The following NMT1 variants were observed in gnomAD, a reference collection of about 807,000 sequenced individuals.
NMT1 encodes the protein glycylpeptide N-tetradecanoyltransferase 1.
Under a neutral mutation model 63.4 loss-of-function variants are expected in NMT1, and 12 were observed. The ratio of observed to expected loss-of-function variants is 0.19; its 90% CI spans 0.12 to 0.31. The LOEUF is 0.31. NMT1 is among the 10% of genes least tolerant of loss of function. The pLI, the probability that NMT1 is intolerant of heterozygous loss-of-function variation, is 1.00. For synonymous variants in NMT1, 228 were observed against 234.3 expected (o/e 0.97, Z 0.25); for missense variants, 432 against 634.6 (o/e 0.68, Z 3.43).
intron 8 of NMT1, 77 bp downstream of exon 8, chr17:45,099,590 C>T (rs931168917): frequency 9.6e-7 from 1 of 1,041,090 alleles, no homozygotes; most frequent in Non-Finnish European, 1.5e-6. Flanking sequence ...GAGAGAAGGG[C>T]TCTGGGTGGA....
chr17:45,070,319 C>T (rs891499243), intron 1 of NMT1, among the ~76,000 whole-genome samples: 3 of 151,740 alleles, frequency 2.0e-5, no homozygotes, highest in East Asian at 1.9e-4. Context: ...GGCGTAATCT[C>T]GGCTCACTGC....
intron 5 of NMT1, 130 bp downstream of exon 5, chr17:45,096,415 TC>T (rs1598016843): frequency 1.4e-6 from 1 of 726,038 alleles, no homozygotes; most frequent in East Asian, 2.5e-5. Flanking sequence ...ATTTTTGAGT[TC>T]CTGCATCTGA....
chr17:45,075,701 C>T (rs2053973144), intron 1 of NMT1, among the ~76,000 whole-genome samples: 1 of 150,922 alleles, frequency 6.6e-6, no homozygotes, highest in African/African-American at 2.4e-5. Flanking sequence ...ACCCAGGAGG[C>T]GGAGGTTGCA....
At chr17:45,082,519 T>G (rs1330871338) in intron 2 of NMT1, among the ~76,000 whole-genome samples, 1 of 152,212 alleles carries the variant, frequency 6.6e-6, no homozygotes, top group East Asian at 1.9e-4. Flanking sequence ...TGAGTTCTAC[T>G]CCATGAGAAC....
At chr17:45,070,246 T>C (rs1036266596) in intron 1 of NMT1, among the ~76,000 whole-genome samples, 3 of 148,004 alleles carry the variant, frequency 2.0e-5, no homozygotes, top group African/African-American at 7.3e-5. Flanking sequence ...CCTCCCAGGG[T>C]ACCTTTTTTT....
chr17:45,098,723 G>A, intron 7 of NMT1, 171 bp downstream of exon 7: 1 of 605,298 alleles, frequency 1.7e-6, no homozygotes. Flanking sequence ...GAGAGGGCGG[G>A]AGGGTTGTAG....
intron 2 of NMT1, 70 bp from the exon 3 acceptor site, chr17:45,086,438 G>T: frequency 6.7e-7 from 1 of 1,491,798 alleles, no homozygotes; most frequent in South Asian, 1.3e-5. Context: ...CTTAACTCTT[G>T]AACTCATAAT....
intron 1 of NMT1, among the ~76,000 whole-genome samples, chr17:45,066,346 C>T (rs551452847): frequency 3.3e-5 from 5 of 152,244 alleles, no homozygotes; most frequent in African/African-American, 4.8e-5. Flanking sequence ...TGAGCCACCA[C>T]GCCCGGCCAG....
In NMT1 at chr17:45,105,802, C is replaced by A; in HGVS notation, c.*163C>A. 1.6e-6 allele frequency: 1 copy of A among 641,404 alleles called. No individual in the cohort carries two copies. Among genetic ancestry groups the A allele is most frequent in the Non-Finnish European group, 2.6e-6 (1 of 378,476 alleles). The allele number at this position is 641,404 out of a possible 1,614,324, so 39.7% of individuals were successfully genotyped here. A position where few individuals can be genotyped will look rare whatever the true frequency, so the allele number is the denominator to read the frequency against. On this transcript the variant is annotated 3_prime_UTR_variant, in exon 12 of 12. Coordinates refer to ENST00000258960, the MANE Select transcript of NMT1 (RefSeq NM_021079.5). This position sits in a 1 kb window ranked among gnomAD's most constrained non-coding sequence, Gnocchi z 4.2. ...GCCAGCGAACTTGACAATTGTATTG[C>A]GATGGCGTGGGCTGCGTGACGTCAC...
chr17:45,088,861 G>C (rs979962782), intron 3 of NMT1, among the ~76,000 whole-genome samples: 23 of 152,036 alleles, frequency 1.5e-4, no homozygotes, highest in African/African-American at 5.6e-4. Flanking sequence ...AATGTAGAAA[G>C]TGCTTCAGTT....
intron 1 of NMT1, among the ~76,000 whole-genome samples, chr17:45,078,486 G>T (rs564923956): frequency 6.6e-6 from 1 of 150,472 alleles, no homozygotes; most frequent in African/African-American, 2.4e-5. Flanking sequence ...CTTTCTCCCT[G>T]TATATATATA....
At chr17:45,088,980 G>T (rs186721495) in intron 3 of NMT1, among the ~76,000 whole-genome samples, 1 of 152,332 alleles carries the variant, frequency 6.6e-6, no homozygotes, top group Admixed American at 6.5e-5. Flanking sequence ...TTTGCCTTCT[G>T]TGCAGTGTGT....
At position 45,104,889 on chromosome 17, in the gene NMT1, C is replaced by G; in HGVS notation, c.1363C>G (p.Leu455Val). 6.2e-7 allele frequency: 1 copy of G among 1,614,216 alleles called. No homozygotes were observed. The highest frequency in any genetic ancestry group is 8.5e-7 in the Non-Finnish European group (1 of 1,180,036). The change falls in exon 11 of 12, where the codon CTC becomes GTC. Residue 455 changes from leucine (L) to valine (V), a missense_variant. Physicochemically the swap from Leu to Val is conservative, Grantham distance 32. Transcript: ENST00000258960. This position sits in a 1 kb window ranked among gnomAD's most constrained non-coding sequence, Gnocchi z 4.2. ...KGFDVFNALD[L>V]MENKTFLEKL... Reference sequence around the variant, plus strand: ...GTTTGATGTGTTCAATGCACTGGATCTCATGGAGAACAAAACCTTCCTGGA... The same window carrying G: ...GTTTGATGTGTTCAATGCACTGGATGTCATGGAGAACAAAACCTTCCTGGA...
chr17:45,108,536 G>A lies in NMT1; in HGVS notation c.*2897G>A, dbSNP rs1598023572. 1.3e-5 allele frequency: 2 copies of A among 152,598 alleles called. No individual in the cohort carries two copies. Among genetic ancestry groups the A allele is most frequent in the Admixed American group, 1.3e-4 (2 of 15,276 alleles). The allele number at this position is 152,598 out of a possible 1,614,324, so 9.5% of individuals were successfully genotyped here. ...GGTCCTGAATTCTTTCCCCAAAGAC[G>A]ACCAGCATTTAACCAACCTAAGGGC... On this transcript the variant is annotated 3_prime_UTR_variant, in exon 12 of 12. Coordinates refer to ENST00000258960, the MANE Select transcript of NMT1 (RefSeq NM_021079.5).
intron 2 of NMT1, 83 bp from the exon 3 acceptor site, chr17:45,086,425 C>T (rs1445940334): frequency 7.1e-6 from 10 of 1,406,098 alleles, no homozygotes; most frequent in African/African-American, 4.4e-5. Flanking sequence ...GCACCCAGCT[C>T]CCCTTAACTC....
In NMT1 at chr17:45,105,522, C is replaced by A. The variant is rs1393820673; in HGVS notation, c.1471-97C>A. The A allele has an allele frequency of 3.6e-6, 5 of 1,393,264 alleles. No homozygotes were observed. The highest frequency in any genetic ancestry group is 1.8e-5 in the Admixed American group (1 of 57,052). The allele number at this position is 1,393,264 out of a possible 1,614,324, so 86.3% of individuals were successfully genotyped here. A position where few individuals can be genotyped will look rare whatever the true frequency, so the allele number is the denominator to read the frequency against. On this transcript the variant is annotated intron_variant, in intron 11 of 11. Transcript: ENST00000258960. The surrounding 1 kb of genome is among the most constrained non-coding windows in gnomAD (Gnocchi z 4.2). ...TGCTCCCACAGCACAGGCGGTGGAC[C>A]CGGGCCCAGCCACTCGGAACTTCAG...
intron 7 of NMT1, 115 bp downstream of exon 7, chr17:45,098,667 G>A: frequency 2.0e-6 from 2 of 982,910 alleles, no homozygotes. Flanking sequence ...TGGCGTATCT[G>A]GTAAGGCGGG....
chr17:45,064,666 T>TA (rs1194609762), intron 1 of NMT1, among the ~76,000 whole-genome samples: 3 of 152,044 alleles, frequency 2.0e-5, no homozygotes, highest in Non-Finnish European at 4.4e-5. Context: ...CTACTAAAAA[T>TA]ACAAAAATTA....
In NMT1 at chr17:45,104,282, T is replaced by C. The variant is rs2054189066; in HGVS notation, c.1332+406T>C. 8.4e-7 allele frequency: 1 copy of C among 1,186,876 alleles called. No homozygotes were observed. The highest frequency in any genetic ancestry group is 1.6e-5 in the South Asian group (1 of 61,464). 73.5% of individuals were successfully genotyped at this position (1,186,876 alleles called of 1,614,324 possible). On this transcript the variant is annotated intron_variant, in intron 10 of 11. Transcript: ENST00000258960. The surrounding 1 kb of genome is among the most constrained non-coding windows in gnomAD (Gnocchi z 4.2). Reference sequence around the variant, plus strand: ...GGATGGCGAGCCCGTCTGTCAGTGCTTTGCTGTGGGTTCTGGTAACCTGTG... The same window carrying C: ...GGATGGCGAGCCCGTCTGTCAGTGCCTTGCTGTGGGTTCTGGTAACCTGTG...
Sources: allele counts gnomAD v4.1 joint callset (sites outside exome capture counted in the v4.1 genomes callset), GRCh38; gene constraint gnomAD v4.1.1; non-coding constraint Gnocchi (gnomAD v3.1); transcripts MANE v1.5; gene names NCBI Gene and HGNC (gene_info 2026-07-23, HGNC 2026-07-21).